Variants in EFNA5 observed in about 807,000 individuals in gnomAD.
EFNA5 encodes ephrin A5.
Under a neutral mutation model 22.9 loss-of-function variants are expected in EFNA5, and 5 were observed. The ratio of observed to expected loss-of-function variants is 0.22; its 90% confidence interval spans 0.11 to 0.46. EFNA5 has a LOEUF of 0.46. Among genes scored for constraint, EFNA5 ranks in the 20% least tolerant of loss-of-function variants. The pLI is 0.99. For missense variants in EFNA5, 237 were observed against 293.3 expected, an observed-to-expected ratio of 0.81 and a Z score of 1.40; for synonymous variants, 113 against 112.2, an observed-to-expected ratio of 1.01 and a Z score of -0.04.
intron 1 of EFNA5, among the ~76,000 whole-genome samples, chr5:107,605,034 A>G (rs1749682792): frequency 1.3e-5 from 2 of 151,848 alleles, no homozygotes; most frequent in African/African-American, 4.8e-5. Flanking sequence ...GATTCTTCAT[A>G]ACTGTTTGCT....
chr5:107,475,263 G>A (rs1750251671), intron 1 of EFNA5, among the ~76,000 whole-genome samples: 1 of 152,186 alleles, frequency 6.6e-6, no homozygotes, highest in Admixed American at 6.5e-5. Context: ...TTTTCAAACA[G>A]GTACTGGTGC....
At chr5:107,591,021 T>C (rs1749313990) in intron 1 of EFNA5, among the ~76,000 whole-genome samples, 1 of 152,178 alleles carries the variant, frequency 6.6e-6, no homozygotes, top group Non-Finnish European at 1.5e-5. Flanking sequence ...CTACCATCTG[T>C]TGTTTCAATA....
chr5:107,483,223 T>C (rs1750535949), intron 1 of EFNA5, among the ~76,000 whole-genome samples: 1 of 152,130 alleles, frequency 6.6e-6, no homozygotes, highest in Non-Finnish European at 1.5e-5. Flanking sequence ...TTTTTTCCCC[T>C]GGGGAGAGGG....
At chr5:107,509,521 C>T (rs1279529291) in intron 1 of EFNA5, among the ~76,000 whole-genome samples, 1 of 143,136 alleles carries the variant, frequency 7.0e-6, no homozygotes, top group Non-Finnish European at 1.5e-5. Flanking sequence ...TTAGTGGAGA[C>T]GGAGTTTCAC....
chr5:107,388,366 T>C (rs1378999003), intron 2 of EFNA5: 1 of 152,224 alleles, frequency 6.6e-6, no homozygotes, highest in African/African-American at 2.4e-5. Context: ...CCAAGCCCGG[T>C]AACTTCCATC....
chr5:107,388,025 A>G (rs1176416399), intron 2 of EFNA5, among the ~76,000 whole-genome samples: 1 of 152,210 alleles, frequency 6.6e-6, no homozygotes, highest in African/African-American at 2.4e-5. Flanking sequence ...TAATCTGTGA[A>G]GAAATACTTT....
intron 1 of EFNA5, among the ~76,000 whole-genome samples, chr5:107,661,329 G>T (rs898875999): frequency 3.3e-5 from 5 of 152,126 alleles, no homozygotes; most frequent in African/African-American, 1.2e-4. Flanking sequence ...CTGAGCCAAA[G>T]AAACATTTTC....
intron 1 of EFNA5, among the ~76,000 whole-genome samples, chr5:107,550,177 G>A (rs1748258150): frequency 6.6e-6 from 1 of 152,158 alleles, no homozygotes; most frequent in African/African-American, 2.4e-5. Context: ...GATTTCTGAT[G>A]GGTACACAAA....
chr5:107,491,972 T>A (rs1219707912), intron 1 of EFNA5, among the ~76,000 whole-genome samples: 1 of 152,094 alleles, frequency 6.6e-6, no homozygotes, highest in Admixed American at 6.5e-5. Context: ...GTAGCTGGGA[T>A]TACAGGTGCG....
At chr5:107,617,235 C>CAGAG (rs1434593822) in intron 1 of EFNA5, among the ~76,000 whole-genome samples, 12 of 148,540 alleles carry the variant, frequency 8.1e-5, no homozygotes, top group Admixed American at 4.0e-4. Context: ...CACACACACA[C>CAGAG]ACAGAGAGAG....
chr5:107,468,769 T>C (rs1750060718), intron 1 of EFNA5, among the ~76,000 whole-genome samples: 1 of 151,194 alleles, frequency 6.6e-6, no homozygotes, highest in South Asian at 2.2e-4. Context: ...CAGCTACATG[T>C]GATGTAGAAA....
chr5:107,650,735 C>G (rs1030034275), intron 1 of EFNA5, among the ~76,000 whole-genome samples: 3 of 152,060 alleles, frequency 2.0e-5, no homozygotes, highest in Non-Finnish European at 4.4e-5. Context: ...AGGGAATATC[C>G]AGAATTTCTT....
intron 1 of EFNA5, among the ~76,000 whole-genome samples, chr5:107,433,247 T>C (rs139841795): frequency 4.9e-4 from 74 of 152,344 alleles, no homozygotes; most frequent in Admixed American, 1.6e-3. Flanking sequence ...TTGTACACAT[T>C]TATGAAAATT....
intron 1 of EFNA5, among the ~76,000 whole-genome samples, chr5:107,499,675 G>A (rs533636815): frequency 6.6e-6 from 1 of 152,294 alleles, no homozygotes; most frequent in African/African-American, 2.4e-5. Context: ...ATAAGAACAA[G>A]TCTTCTTTTG....
chr5:107,452,734 A>T (rs1355837688), intron 1 of EFNA5, among the ~76,000 whole-genome samples: 1 of 152,178 alleles, frequency 6.6e-6, no homozygotes, highest in African/African-American at 2.4e-5. Context: ...TGTCTCAGAA[A>T]AATTTTTGAA....
chr5:107,539,758 C>A (rs950761665), intron 1 of EFNA5, among the ~76,000 whole-genome samples: 3 of 152,148 alleles, frequency 2.0e-5, no homozygotes, highest in Admixed American at 6.5e-5. Flanking sequence ...GCCACAGCGC[C>A]CGGCCAGAAA....
At chr5:107,484,606 T>C (rs1746536022) in intron 1 of EFNA5, among the ~76,000 whole-genome samples, 1 of 152,200 alleles carries the variant, frequency 6.6e-6, no homozygotes, top group Admixed American at 6.5e-5. Context: ...GATTTTACTC[T>C]AAGAGCACTG....
intron 1 of EFNA5, among the ~76,000 whole-genome samples, chr5:107,458,570 C>A (rs1257992017): frequency 6.6e-6 from 1 of 151,602 alleles, no homozygotes; most frequent in Admixed American, 6.6e-5. Context: ...AGTGCTAAAG[C>A]CTTTTTGGAA....
intron 1 of EFNA5, among the ~76,000 whole-genome samples, chr5:107,585,545 C>A (rs1749167522): frequency 6.6e-6 from 1 of 152,086 alleles, no homozygotes; most frequent in Non-Finnish European, 1.5e-5. Flanking sequence ...GAATAGCACC[C>A]ATTTCTTATC....
Sources: gnomAD v4.1 joint callset for allele counts (sites outside exome capture counted in the v4.1 genomes callset) on GRCh38, gnomAD v4.1.1 for gene constraint, MANE v1.5 for transcripts, NCBI Gene and HGNC (gene_info 2026-07-23, HGNC 2026-07-21) for gene names.